The following ENAH variants were observed in gnomAD, a reference collection of about 807,000 sequenced individuals.
ENAH encodes ENAH actin regulator.
ENAH carries 23 observed loss-of-function variants against 78.7 expected under a neutral mutation model. That is an observed-to-expected ratio of 0.29 (90% CI 0.21 to 0.41). The LOEUF is 0.41. Among genes scored for constraint, ENAH ranks in the 10% least tolerant of loss-of-function variants. ENAH has a pLI of 1.00. For synonymous variants in ENAH, 226 were observed against 241.0 expected (o/e 0.94, Z 0.58); for missense variants, 544 against 691.0 (o/e 0.79, Z 2.39).
chr1:225,652,706 G>A lies in ENAH; in HGVS notation c.-16C>T. 1.5e-6 allele frequency: 2 copies of A among 1,321,768 alleles called. No homozygotes were observed. Among genetic ancestry groups the A allele is most frequent in the South Asian group, 2.1e-5 (1 of 46,946 alleles). 81.9% of individuals were successfully genotyped at this position (1,321,768 alleles called of 1,614,324 possible). ...CTCACCTCATGGTGCCGGCGGCGCA[G>A]AGGCTTCCCCACCAGCCGGGAGACG... On this transcript the variant is annotated 5_prime_UTR_variant, in exon 1 of 14. Coordinates refer to ENST00000366843, the MANE Select transcript of ENAH (RefSeq NM_018212.6).
chr1:225,496,425 AC>A lies in ENAH; in HGVS notation c.*1349del, dbSNP rs1181919456. ...TTTCCTTTACCTAATGATTTCTGTG[AC>A]CTTAATTGCTGCCATCATTGTTATT... On this transcript the variant is annotated 3_prime_UTR_variant, in exon 14 of 14. Coordinates refer to ENST00000366843, the MANE Select transcript of ENAH (RefSeq NM_018212.6). 1 of 152,254 alleles carries A rather than the reference AC, an allele frequency of 6.6e-6. No individual in the cohort carries two copies. Among genetic ancestry groups the A allele is most frequent in the Non-Finnish European group, 1.5e-5 (1 of 68,038 alleles). The allele number at this position is 152,254 out of a possible 1,614,324, so 9.4% of individuals were successfully genotyped here.
intron 3 of ENAH, among the ~76,000 whole-genome samples, chr1:225,547,387 CAT>C (rs1473238075): frequency 2.0e-5 from 3 of 152,098 alleles, no homozygotes; most frequent in African/African-American, 7.2e-5. Context: ...CTATTATTAA[CAT>C]ATGAGAATAG....
chr1:225,542,272 G>A (rs2096593214), intron 3 of ENAH, among the ~76,000 whole-genome samples: 1 of 152,228 alleles, frequency 6.6e-6, no homozygotes, highest in African/African-American at 2.4e-5. Flanking sequence ...TGGAAAGACT[G>A]CAAAGCCAGG....
Position 225,604,061 on chromosome 1 carries a change from T to TAATA in ENAH, c.6-36651_6-36648dup, listed in dbSNP as rs140162566. On this transcript the variant is annotated intron_variant, in intron 1 of 13. Transcript: ENST00000366843. Reference sequence around the variant, plus strand: ...TGCTATAATTTCAACTAGAAACTTCTAATAAGCAAAAACTTGCATGTATGC... The same window carrying TAATA: ...TGCTATAATTTCAACTAGAAACTTCTAATAAATAAGCAAAAACTTGCATGTATGC... Among the ~76,000 whole-genome samples the TAATA allele has an allele frequency of 3.1e-3, 472 of 152,324 alleles. 1 individual carries two copies. Among genetic ancestry groups the TAATA allele is most frequent in the Non-Finnish European group, 4.6e-3 (311 of 68,022 alleles).
intron 2 of ENAH, among the ~76,000 whole-genome samples, chr1:225,564,397 T>C (rs971201260): frequency 3.3e-5 from 5 of 151,810 alleles, no homozygotes; most frequent in African/African-American, 1.2e-4. Flanking sequence ...CAAGCGATTC[T>C]CCTGCCTCAG....
intron 3 of ENAH, among the ~76,000 whole-genome samples, chr1:225,536,052 C>T (rs544796737): frequency 1.5e-4 from 23 of 152,128 alleles, no homozygotes; most frequent in South Asian, 4.1e-4. Context: ...CCATTATAAA[C>T]GGCACACTGC....
chr1:225,616,133 T>C (rs539133714), intron 1 of ENAH, among the ~76,000 whole-genome samples: 2 of 152,190 alleles, frequency 1.3e-5, no homozygotes, highest in East Asian at 3.9e-4. Context: ...GAAGGCAGCA[T>C]GCTGGTTAAG....
At chr1:225,564,543 C>T (rs34886095) in intron 2 of ENAH, among the ~76,000 whole-genome samples, 1,633 of 151,622 alleles carry the variant, frequency 0.011, 16 homozygotes, top group Middle Eastern at 0.045. Flanking sequence ...GATCCACCCA[C>T]CTTGGCCTCC....
intron 1 of ENAH, among the ~76,000 whole-genome samples, chr1:225,577,818 G>A (rs1018146578): frequency 6.6e-6 from 1 of 152,176 alleles, no homozygotes; most frequent in Non-Finnish European, 1.5e-5. Flanking sequence ...AAATACAATA[G>A]TATGTAGAAA....
chr1:225,645,745 AT>A (rs1310317469), intron 1 of ENAH, among the ~76,000 whole-genome samples: 5 of 152,120 alleles, frequency 3.3e-5, no homozygotes, highest in Non-Finnish European at 5.9e-5. Context: ...ATTTTATTTA[AT>A]TTTCTCAACA....
chr1:225,639,742 AC>A (rs964904935), intron 1 of ENAH, among the ~76,000 whole-genome samples: 22 of 132,862 alleles, frequency 1.7e-4, no homozygotes, highest in African/African-American at 2.9e-4. Flanking sequence ...ACACACACAC[AC>A]AAGAAGGATG....
Position 225,583,433 on chromosome 1 carries a change from CAA to C in ENAH, c.6-16021_6-16020del, listed in dbSNP as rs67324652. On this transcript the variant is annotated intron_variant, in intron 1 of 13. Transcript: ENST00000366843. Reference sequence around the variant, plus strand: ...TGGGCGACAGAGGAAGACCCTGTATCAAAAAAAAAAAAAAAAAAAAGAGAGAG... The same window carrying C: ...TGGGCGACAGAGGAAGACCCTGTATCAAAAAAAAAAAAAAAAAAGAGAGAG... 3.7e-3 allele frequency among the ~76,000 whole-genome samples: 374 copies of C among 100,544 alleles called. 1 individual carries two copies. The East Asian group carries it at 0.05, about 13-fold the overall frequency. The allele number at this position is 100,544 out of a possible 152,430, so 66.0% of individuals were successfully genotyped here.
intron 4 of ENAH, among the ~76,000 whole-genome samples, chr1:225,521,387 G>A (rs1012550084): frequency 2.6e-5 from 4 of 151,976 alleles, no homozygotes; most frequent in Admixed American, 6.6e-5. Context: ...TGCCAGGCAC[G>A]GTGGCTCATG....
At chr1:225,607,543 G>A (rs1156725569) in intron 1 of ENAH, among the ~76,000 whole-genome samples, 1 of 147,950 alleles carries the variant, frequency 6.8e-6, no homozygotes, top group Non-Finnish European at 1.5e-5. Flanking sequence ...ACACCTGGTT[G>A]AAATTCTAGA....
intron 6 of ENAH, among the ~76,000 whole-genome samples, chr1:225,516,218 T>C (rs1039136374): frequency 3.3e-5 from 5 of 152,186 alleles, no homozygotes; most frequent in African/African-American, 7.2e-5. Context: ...CAGAGGATGC[T>C]ATTCTCTCTT....
Position 225,514,854 on chromosome 1 carries a change from T to C in ENAH, c.960A>G (p.Pro320=). The change falls in exon 7 of 14, where the codon CCA becomes CCG. Residue 320 remains proline (P), a synonymous_variant. Coordinates refer to ENST00000366843, the MANE Select transcript of ENAH (RefSeq NM_018212.6). ...CTACTGAAGCCTGTGCAGGCCCTGG[T>C]GGGAGTGGTGGAGGAGGTGGAGGTG... ...PLAPPPPPPL[P]PGPAQASVAL... 1 of 1,600,742 alleles carries C rather than the reference T, an allele frequency of 6.2e-7. No homozygotes were observed.
rs575598846 is a variant in ENAH, at chr1:225,489,175, A to G, written c.*8600T>C. 6.6e-6 allele frequency: 1 copy of G among 152,226 alleles called. No homozygotes were observed. Among genetic ancestry groups the G allele is most frequent in the African/African-American group, 2.4e-5 (1 of 41,528 alleles). The allele number at this position is 152,226 out of a possible 1,614,324, so 9.4% of individuals were successfully genotyped here. Reference sequence around the variant, plus strand: ...ACTTAGAAACAGCTCTTGAACTACAAGAGTCAAATGGACCTTCTGCTATTC... The same window carrying G: ...ACTTAGAAACAGCTCTTGAACTACAGGAGTCAAATGGACCTTCTGCTATTC... On this transcript the variant is annotated 3_prime_UTR_variant, in exon 14 of 14. Coordinates refer to ENST00000366843, the MANE Select transcript of ENAH (RefSeq NM_018212.6).
chr1:225,513,874 C>T, intron 7 of ENAH, among the ~76,000 whole-genome samples: 1 of 152,016 alleles, frequency 6.6e-6, no homozygotes, highest in South Asian at 2.1e-4. Flanking sequence ...TGCCTGTAAT[C>T]CCAGCTACTC....
intron 3 of ENAH, among the ~76,000 whole-genome samples, chr1:225,538,609 G>GT (rs67374626): frequency 0.91 from 136,890 of 150,784 alleles, 62,298 homozygotes; most frequent in African/African-American, 0.96. Context: ...ATATGATTGG[G>GT]TTTTTTTCCC....
Sources: gnomAD v4.1 joint callset for allele counts (sites outside exome capture counted in the v4.1 genomes callset) on GRCh38, gnomAD v4.1.1 for gene constraint, MANE v1.5 for transcripts, NCBI Gene and HGNC (gene_info 2026-07-23, HGNC 2026-07-21) for gene names.